CMIP: variants seen among roughly 807,000 people sequenced by gnomAD.
CMIP encodes c-Maf inducing protein.
A neutral mutation model predicts 97.3 loss-of-function variants in CMIP; 13 were observed. The ratio of observed to expected loss-of-function variants is 0.13; its 90% CI spans 0.09 to 0.21. CMIP has a LOEUF of 0.21. CMIP is among the 10% of genes least tolerant of loss of function. The pLI, the probability that CMIP is intolerant of heterozygous loss-of-function variation, is 1.00. For synonymous variants in CMIP, 538 were observed against 436.3 expected (o/e 1.23, Z -2.91); for missense variants, 847 against 1,024.9 (o/e 0.83, Z 2.37).
At chr16:81,527,673 C>T (rs1289332763) in intron 1 of CMIP, among the ~76,000 whole-genome samples, 1 of 152,212 alleles carries the variant, frequency 6.6e-6, no homozygotes, top group Admixed American at 6.5e-5. Context: ...TTAGAAGCTT[C>T]AACTTTACAG....
In CMIP at chr16:81,707,292, G is replaced by A. The variant is rs188581851; in HGVS notation, c.2268+208G>A. 2.9e-4 allele frequency among the ~76,000 whole-genome samples: 44 copies of A among 152,386 alleles called. No individual in the cohort carries two copies. The East Asian group carries it at 8.3e-3, about 29-fold the overall frequency. On this transcript the variant is annotated intron_variant, in intron 20 of 20. Coordinates refer to ENST00000537098, the MANE Select transcript of CMIP (RefSeq NM_198390.3). ...AATAGGAAGGCCTGTGTGGCCTGGGGTGATCAGGGATGGTGCCTTTGATGA... is the reference window on the plus strand; with the variant it reads ...AATAGGAAGGCCTGTGTGGCCTGGGATGATCAGGGATGGTGCCTTTGATGA...
In CMIP at chr16:81,467,688, CT is replaced by C. The variant is rs565205808; in HGVS notation, c.300+22148del. Among the ~76,000 whole-genome samples the C allele has an allele frequency of 7.2e-4, 109 of 150,958 alleles. 1 individual carries two copies. Among genetic ancestry groups the C allele is most frequent in the African/African-American group, 2.5e-3 (104 of 41,122 alleles). ...CTCCGCCTTCCAGGTTCAAGCGATTCTCTTGCCTCTACCTCTCGAGTAGCTG... is the reference window on the plus strand; with the variant it reads ...CTCCGCCTTCCAGGTTCAAGCGATTCCTTGCCTCTACCTCTCGAGTAGCTG... On this transcript the variant is annotated intron_variant, in intron 1 of 20. Transcript: ENST00000537098.
chr16:81,462,902 T>C (rs1246081320), intron 1 of CMIP, among the ~76,000 whole-genome samples: 5 of 152,078 alleles, frequency 3.3e-5, no homozygotes, highest in Admixed American at 2.0e-4. Context: ...AGGGACAGAG[T>C]GACCACAAAC....
At chr16:81,699,565 G>C in intron 14 of CMIP, 120 bp from the exon 15 acceptor site, 2 of 641,650 alleles carry the variant, frequency 3.1e-6, no homozygotes, top group East Asian at 2.9e-5. Context: ...AGAACACCTG[G>C]CTGTCTGGAC....
intron 1 of CMIP, among the ~76,000 whole-genome samples, chr16:81,477,991 T>G (rs1240547652): frequency 6.6e-6 from 1 of 152,216 alleles, no homozygotes; most frequent in East Asian, 1.9e-4. Context: ...CAAGAGCATC[T>G]GGGAAATGTA....
intron 1 of CMIP, among the ~76,000 whole-genome samples, chr16:81,551,223 TCACA>T (rs1269269575): frequency 6.7e-6 from 1 of 149,742 alleles, no homozygotes; most frequent in Non-Finnish European, 1.5e-5. Context: ...CCCAGTTCCA[TCACA>T]CACACCCCAG....
intron 1 of CMIP, among the ~76,000 whole-genome samples, chr16:81,481,966 C>T (rs569543997): frequency 5.3e-5 from 8 of 151,652 alleles, no homozygotes; most frequent in African/African-American, 1.7e-4. Flanking sequence ...GCAACCTCTG[C>T]CTCCCGGGTT....
intron 1 of CMIP, among the ~76,000 whole-genome samples, chr16:81,508,826 C>T (rs921806652): frequency 3.9e-5 from 6 of 152,222 alleles, no homozygotes; most frequent in Non-Finnish European, 7.3e-5. Context: ...TGGGGATCCT[C>T]ATGGTGTCTC....
chr16:81,703,924 C>G lies in CMIP; in HGVS notation c.1945-15C>G. 1 of 1,587,194 alleles carries G rather than the reference C, an allele frequency of 6.3e-7. No homozygotes were observed. Among genetic ancestry groups the G allele is most frequent in the South Asian group, 1.1e-5 (1 of 87,816 alleles). On this transcript the variant is annotated splice_polypyrimidine_tract_variant and intron_variant, in intron 17 of 20. Coordinates refer to ENST00000537098, the MANE Select transcript of CMIP (RefSeq NM_198390.3). The stretch of plus-strand genomic sequence containing the variant: ...CCCAGCAGCACCCTCAGGCCTCTCC[C>G]CCGTCTGCCCGCAGGACGCTGACTT...
intron 3 of CMIP, among the ~76,000 whole-genome samples, chr16:81,646,878 G>A (rs1303008693): frequency 6.6e-6 from 1 of 152,184 alleles, no homozygotes; most frequent in Non-Finnish European, 1.5e-5. Flanking sequence ...TTCATCAGTT[G>A]ATGAATTTAA....
chr16:81,593,786 C>G (rs1452378654), intron 1 of CMIP, among the ~76,000 whole-genome samples: 1 of 152,162 alleles, frequency 6.6e-6, no homozygotes. Context: ...CTAGCACCCT[C>G]TTGAGGAGTC....
rs1042859558 is a variant in CMIP, at chr16:81,639,804, T to G, written c.478-12399T>G. ...CAACACCAGTCTGATGGGATTGTCC[T>G]GAGGTTGGACTCCGTTATTGGAATT... On this transcript the variant is annotated intron_variant, in intron 3 of 20. Coordinates refer to ENST00000537098, the MANE Select transcript of CMIP (RefSeq NM_198390.3). 2.0e-5 allele frequency among the ~76,000 whole-genome samples: 3 copies of G among 152,208 alleles called. No individual in the cohort carries two copies. In the East Asian group the frequency reaches 5.8e-4, roughly 29 times the overall value.
At chr16:81,537,546 C>CAAAAAAAAAAAAAAAAA (rs397695977) in intron 1 of CMIP, among the ~76,000 whole-genome samples, 2 of 82,086 alleles carry the variant, frequency 2.4e-5, no homozygotes, top group Non-Finnish European at 4.6e-5. Context: ...AAAAAAAAGA[C>CAAAAAAAAAAAAAAAAA]AAAAAAAAAA....
At chr16:81,683,912 C>T (rs1054084127) in intron 10 of CMIP, among the ~76,000 whole-genome samples, 3 of 151,062 alleles carry the variant, frequency 2.0e-5, no homozygotes, top group South Asian at 4.2e-4. Context: ...AGGCATCTAC[C>T]GCCTAGCCCG....
intron 1 of CMIP, among the ~76,000 whole-genome samples, chr16:81,512,746 A>G (rs1318329459): frequency 6.6e-6 from 1 of 151,758 alleles, no homozygotes; most frequent in Non-Finnish European, 1.5e-5. Context: ...TAAAATAATA[A>G]TTTTTTTTGA....
chr16:81,601,546 T>A (rs914522795), intron 1 of CMIP, among the ~76,000 whole-genome samples: 4 of 152,134 alleles, frequency 2.6e-5, no homozygotes, highest in Admixed American at 2.6e-4. Flanking sequence ...TTCTAGGCCC[T>A]ATTTTTTCCA....
At chr16:81,598,075 T>C (rs1157189948) in intron 1 of CMIP, among the ~76,000 whole-genome samples, 1 of 152,174 alleles carries the variant, frequency 6.6e-6, no homozygotes, top group African/African-American at 2.4e-5. Context: ...CTCATCTGTG[T>C]GGTTTTTAAA....
chr16:81,462,631 T>G (rs201187977), intron 1 of CMIP, among the ~76,000 whole-genome samples: 1 of 152,258 alleles, frequency 6.6e-6, no homozygotes, highest in East Asian at 1.9e-4. Flanking sequence ...GTGTTTAGTC[T>G]TCTTGGTTAT....
Position 81,664,163 on chromosome 16 carries a change from C to T in CMIP, c.745-106C>T, listed in dbSNP as rs928818978. ...GTGCAGCCGTGTTCATCAAGGGAACCCAGGCACCCACAGCTGGGCTGACTG... is the reference window on the plus strand; with the variant it reads ...GTGCAGCCGTGTTCATCAAGGGAACTCAGGCACCCACAGCTGGGCTGACTG... On this transcript the variant is annotated intron_variant, in intron 6 of 20. Coordinates refer to ENST00000537098, the MANE Select transcript of CMIP (RefSeq NM_198390.3). 74 of 1,039,228 alleles carry T rather than the reference C, an allele frequency of 7.1e-5. No homozygotes were observed. The South Asian group carries it at 9.1e-4, about 13-fold the overall frequency. The allele number at this position is 1,039,228 out of a possible 1,614,324, so 64.4% of individuals were successfully genotyped here. A position where few individuals can be genotyped will look rare whatever the true frequency, so the allele number is the denominator to read the frequency against.
Sources: allele counts gnomAD v4.1 joint callset (sites outside exome capture counted in the v4.1 genomes callset), GRCh38; gene constraint gnomAD v4.1.1; transcripts MANE v1.5; gene names NCBI Gene and HGNC (gene_info 2026-07-23, HGNC 2026-07-21).